Variants in B3GALT5 observed in about 807,000 individuals in gnomAD.
B3GALT5 encodes the protein UDP-Gal:betaGlcNAc beta 1,3-galactosyltransferase, polypeptide 5.
For synonymous variants in B3GALT5, 156 were observed against 158.6 expected (o/e 0.98, Z 0.12); for missense variants, 328 against 396.6 (o/e 0.83, Z 1.47).
Position 39,661,434 on chromosome 21 carries a change from T to C in B3GALT5, c.875T>C (p.Leu292Pro). The change falls in exon 4 of 4, where the codon CTC becomes CCC. Residue 292 changes from leucine (L) to proline (P), a missense_variant. Physicochemically the swap from Leu to Pro is moderately conservative, Grantham distance 98. Coordinates refer to ENST00000684187, the MANE Select transcript of B3GALT5 (RefSeq NM_001356336.2). The surrounding 1 kb of genome is among the most constrained non-coding windows in gnomAD (Gnocchi z 4.7). The stretch of plus-strand genomic sequence containing the variant: ...TGCCACTTCATCAAGCCTCGGACTC[T>C]CTTGGACTACTGGCAGGCTCTAGAG... ...VACHFIKPRT[L>P]LDYWQALENS... is the part of the protein sequence containing the mutation. 2.0e-6 allele frequency: 3 copies of C among 1,535,396 alleles called. No homozygotes were observed. The highest frequency in any genetic ancestry group is 2.6e-6 in the Non-Finnish European group (3 of 1,143,216).
At chr21:39,648,961 C>T (rs2079367962) in intron 2 of B3GALT5, among the ~76,000 whole-genome samples, 1 of 152,234 alleles carries the variant, frequency 6.6e-6, no homozygotes, top group African/African-American at 2.4e-5. Flanking sequence ...TCTTAGACTC[C>T]TGTCTCCAGT....
At chr21:39,613,289 T>C (rs934896781) in intron 1 of B3GALT5, among the ~76,000 whole-genome samples, 4 of 152,076 alleles carry the variant, frequency 2.6e-5, no homozygotes, top group African/African-American at 9.6e-5. Context: ...AACATACTCA[T>C]TTATAAAGTC....
At chr21:39,622,982 A>G (rs972744661) in intron 1 of B3GALT5, among the ~76,000 whole-genome samples, 15 of 152,162 alleles carry the variant, frequency 9.9e-5, no homozygotes, top group Admixed American at 3.9e-4. Flanking sequence ...CAAGGACCTC[A>G]GCACAATTTA....
intron 2 of B3GALT5, among the ~76,000 whole-genome samples, chr21:39,647,117 A>G (rs554382673): frequency 6.6e-6 from 1 of 152,264 alleles, no homozygotes; most frequent in Admixed American, 6.5e-5. Flanking sequence ...GCAAAACAAA[A>G]AAAACCAAAA....
At chr21:39,627,908 GTAT>G (rs763540078) in intron 1 of B3GALT5, among the ~76,000 whole-genome samples, 31 of 152,216 alleles carry the variant, frequency 2.0e-4, no homozygotes, top group South Asian at 4.2e-4. Flanking sequence ...AGCATTACTG[GTAT>G]TATAACTATA....
intron 1 of B3GALT5, among the ~76,000 whole-genome samples, chr21:39,639,350 CCT>C (rs2079260952): frequency 9.7e-6 from 1 of 103,394 alleles, no homozygotes; most frequent in African/African-American, 3.9e-5. Context: ...TTCTTTCTTT[CCT>C]TCCTTCCTTC....
chr21:39,634,030 A>C (rs1353771554), intron 1 of B3GALT5, among the ~76,000 whole-genome samples: 1 of 152,234 alleles, frequency 6.6e-6, no homozygotes, highest in East Asian at 1.9e-4. Flanking sequence ...TTGGAACCAC[A>C]GTAAATTCCT....
chr21:39,627,876 C>G (rs1307250538), intron 1 of B3GALT5, among the ~76,000 whole-genome samples: 3 of 152,122 alleles, frequency 2.0e-5, no homozygotes, highest in African/African-American at 7.2e-5. Context: ...CTTTAAAATA[C>G]TAAACATTTT....
Position 39,660,569 on chromosome 21 carries a change from C to T in B3GALT5, c.10C>T (p.Pro4Ser), listed in dbSNP as rs1179854343. 1.4e-5 allele frequency: 20 copies of T among 1,416,314 alleles called. No homozygotes were observed. The highest frequency in any genetic ancestry group is 1.8e-5 in the Non-Finnish European group (20 of 1,081,400). The allele number at this position is 1,416,314 out of a possible 1,614,324, so 87.7% of individuals were successfully genotyped here. A position where few individuals can be genotyped will look rare whatever the true frequency, so the allele number is the denominator to read the frequency against. Residue 4 changes from proline to serine, a missense_variant, in exon 4 of 4, where the codon CCG becomes TCG. By Grantham distance (74) the Pro-to-Ser change is moderately conservative. Transcript: ENST00000684187. ...ATTTTGTTCCTTTCAGATGGCTTTC[C>T]CGAAGATGAGATTGATGTATATTTG... Reference protein sequence around the residue: MAFPKMRLMYICLL... With the variant: MAFSKMRLMYICLL...
At position 39,667,083 on chromosome 21, in the gene B3GALT5, A is replaced by G. The variant is rs1257287515; in HGVS notation, c.*5591A>G. ...GGGTAGAGCTTCCTGGCACAGGGTCAGTGAGCCCCGAGGCCACCTCCCTGG... is the reference window on the plus strand; with the variant it reads ...GGGTAGAGCTTCCTGGCACAGGGTCGGTGAGCCCCGAGGCCACCTCCCTGG... On this transcript the variant is annotated 3_prime_UTR_variant, in exon 4 of 4. Coordinates refer to ENST00000684187, the MANE Select transcript of B3GALT5 (RefSeq NM_001356336.2). The G allele has an allele frequency of 6.6e-6, 1 of 152,274 alleles. No individual in the cohort carries two copies. Among genetic ancestry groups the G allele is most frequent in the Admixed American group, 6.5e-5 (1 of 15,292 alleles). 9.4% of individuals were successfully genotyped at this position (152,274 alleles called of 1,614,324 possible).
chr21:39,627,071 A>C (rs2079168140), intron 1 of B3GALT5, among the ~76,000 whole-genome samples: 1 of 152,148 alleles, frequency 6.6e-6, no homozygotes, highest in Non-Finnish European at 1.5e-5. Context: ...ATTGAAGCCA[A>C]CTGCCATGAT....
intron 1 of B3GALT5, among the ~76,000 whole-genome samples, chr21:39,640,286 A>T (rs1351364497): frequency 6.6e-6 from 1 of 152,148 alleles, no homozygotes; most frequent in Non-Finnish European, 1.5e-5. Flanking sequence ...CTTGTGGTTG[A>T]TAAGCAGGGT....
intron 2 of B3GALT5, among the ~76,000 whole-genome samples, chr21:39,649,877 G>A (rs1426527444): frequency 6.6e-6 from 1 of 152,178 alleles, no homozygotes; most frequent in Non-Finnish European, 1.5e-5. Context: ...TGCTAAAACT[G>A]GGCAGTGCAG....
At chr21:39,623,247 CT>C (rs2079146870) in intron 1 of B3GALT5, among the ~76,000 whole-genome samples, 2 of 116,816 alleles carry the variant, frequency 1.7e-5, no homozygotes, top group African/African-American at 7.2e-5. Context: ...CCCTCCCTTC[CT>C]TCCTTCCTTC....
At chr21:39,652,820 A>G (rs917419743) in intron 2 of B3GALT5, among the ~76,000 whole-genome samples, 7 of 152,224 alleles carry the variant, frequency 4.6e-5, no homozygotes, top group African/African-American at 1.7e-4. Context: ...ATTTCCTGGA[A>G]TCTGTTTTGT....
chr21:39,647,407 ATACTCCCTTGTTTTAATTAATTAAT>A (rs1458599692), intron 2 of B3GALT5, among the ~76,000 whole-genome samples: 1 of 152,128 alleles, frequency 6.6e-6, no homozygotes, highest in Non-Finnish European at 1.5e-5. Context: ...TAGAATGATC[ATACTCCCTTGTTTTAATTAATTAAT>A]TAAGTTTTTG....
intron 1 of B3GALT5, among the ~76,000 whole-genome samples, chr21:39,620,308 G>A (rs1046341382): frequency 6.6e-6 from 1 of 152,112 alleles, no homozygotes; most frequent in Non-Finnish European, 1.5e-5. Context: ...AAGAGTTCAG[G>A]GTAGTTATTT....
At chr21:39,620,682 T>A (rs1482033212) in intron 1 of B3GALT5, among the ~76,000 whole-genome samples, 4 of 152,180 alleles carry the variant, frequency 2.6e-5, no homozygotes, top group Non-Finnish European at 5.9e-5. Context: ...AATGTTGATA[T>A]GAGCATACCA....
At chr21:39,631,743 G>A (rs2079192955) in intron 1 of B3GALT5, among the ~76,000 whole-genome samples, 1 of 152,202 alleles carries the variant, frequency 6.6e-6, no homozygotes, top group African/African-American at 2.4e-5. Context: ...CAGTAAAGAA[G>A]TAGAGAGACA....
Sources: gnomAD v4.1 joint callset for allele counts (sites outside exome capture counted in the v4.1 genomes callset) on GRCh38, gnomAD v4.1.1 for gene constraint, Gnocchi (gnomAD v3.1) non-coding constraint, MANE v1.5 for transcripts, NCBI Gene and HGNC (gene_info 2026-07-23, HGNC 2026-07-21) for gene names.